The following CUL4A variants were observed in gnomAD, a reference collection of about 807,000 sequenced individuals.
CUL4A encodes cullin 4A.
Under a neutral mutation model 95.5 loss-of-function variants are expected in CUL4A, and 16 were observed. The observed-to-expected ratio is 0.17, with a 90% CI of 0.11 to 0.25. CUL4A has a LOEUF of 0.25. Among genes scored for constraint, CUL4A ranks in the 10% least tolerant of loss-of-function variants. The pLI, the probability that CUL4A is intolerant of heterozygous loss-of-function variation, is 1.00. For missense variants in CUL4A, 610 were observed against 937.0 expected (o/e 0.65, Z 4.56); for synonymous variants, 380 against 353.1 (o/e 1.08, Z -0.85).
chr13:113,238,668 A>T (rs1160123757), intron 9 of CUL4A, among the ~76,000 whole-genome samples: 3 of 152,230 alleles, frequency 2.0e-5, no homozygotes, highest in African/African-American at 7.2e-5. Flanking sequence ...TCAGAATGTA[A>T]TTGAGAGAAA....
chr13:113,229,389 C>T lies in CUL4A; in HGVS notation c.439-57C>T, dbSNP rs74388723. On this transcript the variant is annotated intron_variant, in intron 4 of 19. Transcript: ENST00000375440. ...CTAGCATGGAGTTAAAAGGCCTGAT[C>T]TTTCATATTTTGCTAGTAGAATTCA... 6.4e-5 allele frequency: 94 copies of T among 1,474,246 alleles called. 1 individual carries two copies. In the African/African-American group the frequency reaches 1.2e-3, roughly 19 times the overall value. The allele number at this position is 1,474,246 out of a possible 1,614,324, so 91.3% of individuals were successfully genotyped here.
chr13:113,229,379 AAG>A, intron 4 of CUL4A, 65 bp from the exon 5 acceptor site: 1 of 1,350,210 alleles, frequency 7.4e-7, no homozygotes, highest in Non-Finnish European at 1.1e-6. Flanking sequence ...ATGGAGTTAA[AAG>A]GCCTGATCTT....
intron 9 of CUL4A, among the ~76,000 whole-genome samples, chr13:113,239,232 T>C (rs1285984108): frequency 6.6e-6 from 1 of 152,150 alleles, no homozygotes; most frequent in Non-Finnish European, 1.5e-5. Flanking sequence ...TCCAACATAC[T>C]CAGAGAAAAT....
At chr13:113,253,736 A>G (rs1163070055) in intron 16 of CUL4A, among the ~76,000 whole-genome samples, 11 of 152,204 alleles carry the variant, frequency 7.2e-5, no homozygotes, top group Admixed American at 5.2e-4. Context: ...TTCACGGATT[A>G]ATGAATGAGA....
Position 113,228,042 on chromosome 13 carries a change from A to G in CUL4A, c.435A>G (p.Gln145=), listed in dbSNP as rs747811553. 6.2e-7 allele frequency: 1 copy of G among 1,612,070 alleles called. No homozygotes were observed. The highest frequency in any genetic ancestry group is 8.5e-7 in the Non-Finnish European group (1 of 1,178,112). Residue 145 remains glutamine (Q), a synonymous_variant, in exon 4 of 20, where the codon CAA becomes CAG. Coordinates refer to ENST00000375440, the MANE Select transcript of CUL4A (RefSeq NM_001008895.4). ...INTCWQDHCR[Q]MIMIRSIFLF... is the part of the protein sequence containing the mutation. ...CGTGCTGGCAGGACCACTGCAGACA[A>G]ATGGTAAGCTTGTTCACTTTTTCAT...
At chr13:113,208,886 C>A, upstream of CUL4A, 2 of 1,394,852 alleles carry the variant, frequency 1.4e-6, no homozygotes, top group Admixed American at 3.2e-5. Context: ...CGGGCCCGCC[C>A]GGGCTGAGGG....
chr13:113,208,764 A>G, upstream of CUL4A: 1 of 1,442,132 alleles, frequency 6.9e-7, no homozygotes, highest in Non-Finnish European at 9.1e-7. Flanking sequence ...TTGGTTCCGG[A>G]GGGAGAACCT....
Position 113,229,443 on chromosome 13 carries a change from C to G in CUL4A, c.439-3C>G. The G allele has an allele frequency of 6.2e-7, 1 of 1,613,200 alleles. No individual in the cohort carries two copies. Among genetic ancestry groups the G allele is most frequent in the Non-Finnish European group, 8.5e-7 (1 of 1,179,784 alleles). On this transcript the variant is annotated splice_region_variant and splice_polypyrimidine_tract_variant and intron_variant, in intron 4 of 19. Transcript: ENST00000375440. Reference sequence around the variant, plus strand: ...GTAAATGGTTCTCCTTTCTGCTGGTCAGATCATGATCAGAAGCATCTTCCT... The same window carrying G: ...GTAAATGGTTCTCCTTTCTGCTGGTGAGATCATGATCAGAAGCATCTTCCT...
intron 3 of CUL4A, among the ~76,000 whole-genome samples, chr13:113,221,863 A>G (rs541273142): frequency 6.6e-6 from 1 of 152,226 alleles, no homozygotes; most frequent in Non-Finnish European, 1.5e-5. Context: ...GGCGTGAGCC[A>G]CCGCGTCTGG....
chr13:113,254,139 G>A (rs1276096965), intron 16 of CUL4A, among the ~76,000 whole-genome samples: 2 of 152,080 alleles, frequency 1.3e-5, no homozygotes, highest in Admixed American at 6.5e-5. Flanking sequence ...GGCTTGTGAT[G>A]AGTCTGGGCT....
At chr13:113,232,218 GCTGCCACCACTACCCGCCCACCACCA>G in intron 5 of CUL4A, among the ~76,000 whole-genome samples, 37 of 2,598 alleles carry the variant, frequency 0.014, 11 homozygotes, top group African/African-American at 0.024. Flanking sequence ...CACCATTACT[GCTGCCACCACTACCCGCCCACCACCA>G]TTACTGCTGC....
At position 113,243,165 on chromosome 13, in the gene CUL4A, A is replaced by G; in HGVS notation, c.1228+5A>G. On this transcript the variant is annotated splice_donor_5th_base_variant and intron_variant, in intron 11 of 19. Transcript: ENST00000375440. ...ACAAGCCTGCAGAACTGATCGGTAG[A>G]AAAATATTTGTTTTTTTTGTTTGTT... 6.3e-7 allele frequency: 1 copy of G among 1,579,808 alleles called. No homozygotes were observed. The highest frequency in any genetic ancestry group is 8.6e-7 in the Non-Finnish European group (1 of 1,156,116).
At chr13:113,242,118 C>T (rs1056101436) in intron 10 of CUL4A, among the ~76,000 whole-genome samples, 7 of 152,036 alleles carry the variant, frequency 4.6e-5, no homozygotes, top group African/African-American at 1.2e-4. Flanking sequence ...AGATCAAGAC[C>T]ATCCTGGCCA....
In CUL4A at chr13:113,210,065, T is replaced by G. The variant is rs1273452560; in HGVS notation, c.241T>G (p.Tyr81Asp). ...CGTGCAGAGCAGCACCTCCATCAGGTACAACCTCGAGGAGCTCTACCAGGT... is the reference window on the plus strand; with the variant it reads ...CGTGCAGAGCAGCACCTCCATCAGGGACAACCTCGAGGAGCTCTACCAGGT... ...RAVQSSTSIR[Y>D]NLEELYQAVE... The change falls in exon 2 of 20, where the codon TAC becomes GAC. Residue 81 changes from tyrosine to aspartate, a missense_variant. Physicochemically the swap from Tyr to Asp is radical, Grantham distance 160. Coordinates refer to ENST00000375440, the MANE Select transcript of CUL4A (RefSeq NM_001008895.4). 6.6e-7 allele frequency: 1 copy of G among 1,514,496 alleles called. No individual in the cohort carries two copies. Among genetic ancestry groups the G allele is most frequent in the South Asian group, 1.2e-5 (1 of 80,786 alleles). The allele number at this position is 1,514,496 out of a possible 1,614,324, so 93.8% of individuals were successfully genotyped here.
chr13:113,254,818 C>T lies in CUL4A; in HGVS notation c.1858+20C>T. The T allele has an allele frequency of 6.3e-7, 1 of 1,596,288 alleles. No homozygotes were observed. Among genetic ancestry groups the T allele is most frequent in the East Asian group, 2.2e-5 (1 of 44,774 alleles). On this transcript the variant is annotated intron_variant, in intron 17 of 19. Transcript: ENST00000375440. ...GGATAGGTACGAAAACTGCAGAGTG[C>T]ATAGCTCCATGAGTTGTTCTTAAAG... is the stretch of plus-strand genomic sequence containing the variant.
At chr13:113,251,357 G>C (rs960385011) in intron 15 of CUL4A, among the ~76,000 whole-genome samples, 1 of 152,234 alleles carries the variant, frequency 6.6e-6, no homozygotes, top group African/African-American at 2.4e-5. Flanking sequence ...TGGAGGATGG[G>C]AGGGGCACAG....
In CUL4A at chr13:113,254,582, G is replaced by A. The variant is rs1317711376; in HGVS notation, c.1753-111G>A. 12 of 674,564 alleles carry A rather than the reference G, an allele frequency of 1.8e-5. No homozygotes were observed. The South Asian group carries it at 1.8e-4, about 10-fold the overall frequency. 41.8% of individuals were successfully genotyped at this position (674,564 alleles called of 1,614,324 possible). ...TGCACTCCAGCCTGGGTGACAGAGC[G>A]AGACTCCTTCTCAAAAAAAAAAAAG... On this transcript the variant is annotated intron_variant, in intron 16 of 19. Transcript: ENST00000375440.
intron 3 of CUL4A, among the ~76,000 whole-genome samples, chr13:113,225,043 T>C (rs7999579): frequency 0.21 from 32,604 of 152,156 alleles, 3,996 homozygotes; most frequent in South Asian, 0.43. Flanking sequence ...TTTTCTTTTT[T>C]TTTTTAGTTA....
intron 2 of CUL4A, among the ~76,000 whole-genome samples, chr13:113,214,479 TTTG>T (rs747786108): frequency 2.0e-5 from 3 of 152,192 alleles, no homozygotes; most frequent in Non-Finnish European, 4.4e-5. Flanking sequence ...AACTGGTTTT[TTTG>T]TTTTTTGTTG....
Sources: gnomAD v4.1 joint callset for allele counts (sites outside exome capture counted in the v4.1 genomes callset) on GRCh38, gnomAD v4.1.1 for gene constraint, MANE v1.5 for transcripts, NCBI Gene and HGNC (gene_info 2026-07-23, HGNC 2026-07-21) for gene names.